The following EFHD1 variants were observed in gnomAD, a reference collection of about 807,000 sequenced individuals.
EFHD1 encodes the protein EF-hand domain family member D1.
A neutral mutation model predicts 17.2 loss-of-function variants in EFHD1; 10 were observed. The ratio of observed to expected loss-of-function variants is 0.58; its 90% confidence interval spans 0.36 to 0.99. The LOEUF (loss-of-function observed/expected upper bound fraction) is 0.99. Among genes scored for constraint, EFHD1 ranks in the 50% least tolerant of loss-of-function variants. EFHD1 has a pLI of 0.01. For missense variants in EFHD1, 310 were observed against 327.5 expected, an observed-to-expected ratio of 0.95 and a Z score of 0.41; for synonymous variants, 153 against 142.0, an observed-to-expected ratio of 1.08 and a Z score of -0.55.
At chr2:232,633,455 G>GCAGACACC (rs996902281), upstream of EFHD1, 21 of 1,210,108 alleles carry the variant, frequency 1.7e-5, no homozygotes, top group Middle Eastern at 9.7e-4. Flanking sequence ...TCCGGGACGC[G>GCAGACACC]CAGACACCCA....
chr2:232,627,555 C>G (rs1694129462), intron 1 of EFHD1, among the ~76,000 whole-genome samples: 1 of 152,110 alleles, frequency 6.6e-6, no homozygotes. Context: ...AACTGTATTT[C>G]CAGCGACCTG....
chr2:232,617,163 C>T (rs1693939662), intron 1 of EFHD1, among the ~76,000 whole-genome samples: 1 of 152,190 alleles, frequency 6.6e-6, no homozygotes, highest in East Asian at 1.9e-4. Flanking sequence ...AGATTCCATT[C>T]GCGGTGGTTC....
rs867668712 is a variant in EFHD1, at chr2:232,613,768, A to G, written c.14+7595A>G. The stretch of plus-strand genomic sequence containing the variant: ...TACACACACAAATACGCACACACAT[A>G]CACACACAAATATACACACACATAT... On this transcript the variant is annotated intron_variant, in intron 1 of 3. Transcript: ENST00000409613. Among the ~76,000 whole-genome samples, 97 of 151,162 alleles carry G rather than the reference A, an allele frequency of 6.4e-4. 1 individual carries two copies. Among genetic ancestry groups the G allele is most frequent in the African/African-American group, 2.3e-3 (95 of 40,842 alleles).
chr2:232,664,773 C>G (rs1390118452), intron 2 of EFHD1, among the ~76,000 whole-genome samples: 4 of 151,740 alleles, frequency 2.6e-5, no homozygotes, highest in Non-Finnish European at 4.4e-5. Context: ...GCCACCACGC[C>G]TGGCTAATTT....
chr2:232,610,231 A>G (rs1693787373), intron 1 of EFHD1, among the ~76,000 whole-genome samples: 1 of 152,232 alleles, frequency 6.6e-6, no homozygotes, highest in Non-Finnish European at 1.5e-5. Flanking sequence ...CCCACCTGCC[A>G]TCAGCTCCTT....
At chr2:232,641,387 T>C (rs577490588) in intron 1 of EFHD1, among the ~76,000 whole-genome samples, 1 of 152,232 alleles carries the variant, frequency 6.6e-6, no homozygotes, top group South Asian at 2.1e-4. Flanking sequence ...GGTGAGCTGC[T>C]TTCTCTGGAG....
intron 3 of EFHD1, among the ~76,000 whole-genome samples, chr2:232,679,717 T>TAA (rs34960766): frequency 1.2e-3 from 128 of 109,624 alleles, no homozygotes; most frequent in Non-Finnish European, 1.6e-3. Flanking sequence ...AAGACGTTTC[T>TAA]AAAAAAAAAA....
intron 1 of EFHD1, among the ~76,000 whole-genome samples, chr2:232,612,554 C>A (rs1490948395): frequency 3.3e-5 from 5 of 152,172 alleles, no homozygotes; most frequent in African/African-American, 1.2e-4. Flanking sequence ...GGAAATGCTC[C>A]TTGAAACCAC....
chr2:232,621,399 A>G (rs1417257012), intron 1 of EFHD1, among the ~76,000 whole-genome samples: 1 of 152,158 alleles, frequency 6.6e-6, no homozygotes, highest in Non-Finnish European at 1.5e-5. Flanking sequence ...TTTACAGGCC[A>G]TCGATTGTCA....
chr2:232,643,959 C>G (rs1366216855), intron 1 of EFHD1, among the ~76,000 whole-genome samples: 2 of 152,230 alleles, frequency 1.3e-5, no homozygotes, highest in Non-Finnish European at 2.9e-5. Context: ...ATGCATAGGT[C>G]TTTCCTGTGG....
chr2:232,633,346 G>C (rs1398141332), upstream of EFHD1: 1 of 526,824 alleles, frequency 1.9e-6, no homozygotes, highest in Non-Finnish European at 2.6e-6. Context: ...AGCTGACAGG[G>C]GCAGCAAGGT....
At chr2:232,639,979 C>T (rs1388204893) in intron 1 of EFHD1, among the ~76,000 whole-genome samples, 1 of 152,204 alleles carries the variant, frequency 6.6e-6, no homozygotes, top group Non-Finnish European at 1.5e-5. Flanking sequence ...ACTTGGCCTC[C>T]TCCACATTTT....
intron 1 of EFHD1, among the ~76,000 whole-genome samples, chr2:232,614,275 T>G (rs139197300): frequency 1.3e-5 from 2 of 152,286 alleles, no homozygotes; most frequent in East Asian, 3.9e-4. Flanking sequence ...ACTCAGATTT[T>G]TTTTCAGTAA....
chr2:232,637,498 C>T (rs1694341102), intron 1 of EFHD1, among the ~76,000 whole-genome samples: 1 of 152,024 alleles, frequency 6.6e-6, no homozygotes, highest in African/African-American at 2.4e-5. Flanking sequence ...CGCGCACCAC[C>T]ATGCCCAGGT....
chr2:232,623,689 AAAAAAGAAGAAGAAG>A (rs1235286371), intron 1 of EFHD1, among the ~76,000 whole-genome samples: 10 of 67,862 alleles, frequency 1.5e-4, no homozygotes, highest in African/African-American at 5.7e-4. Context: ...AAAAAAAAAA[AAAAAAGAAGAAGAAG>A]AAGAAGAAGA....
At chr2:232,672,206 C>A in intron 2 of EFHD1, 103 bp from the exon 3 acceptor site, 1 of 1,511,794 alleles carries the variant, frequency 6.6e-7, no homozygotes, top group African/African-American at 1.4e-5. Context: ...ACATAAACAT[C>A]TTTCTTAAGT....
At chr2:232,626,062 C>A (rs1443232615) in intron 1 of EFHD1, among the ~76,000 whole-genome samples, 1 of 151,932 alleles carries the variant, frequency 6.6e-6, no homozygotes, top group Non-Finnish European at 1.5e-5. Flanking sequence ...GTGGCATGTA[C>A]CTGTCTGTAG....
chr2:232,616,233 T>C (rs868368974), intron 1 of EFHD1, among the ~76,000 whole-genome samples: 1 of 152,096 alleles, frequency 6.6e-6, no homozygotes, highest in South Asian at 2.1e-4. Flanking sequence ...ACAACGTGGA[T>C]GAACCTTGAG....
intron 3 of EFHD1, among the ~76,000 whole-genome samples, chr2:232,681,218 G>T (rs977031387): frequency 1.3e-5 from 2 of 151,926 alleles, no homozygotes; most frequent in African/African-American, 2.4e-5. Context: ...ATTCATTTTG[G>T]TTTGCCTTTT....
Sources: allele counts gnomAD v4.1 joint callset (sites outside exome capture counted in the v4.1 genomes callset), GRCh38; gene constraint gnomAD v4.1.1; transcripts MANE v1.5; gene names NCBI Gene and HGNC (gene_info 2026-07-23, HGNC 2026-07-21).